The following SF3B3 variants were observed in gnomAD, a reference collection of about 807,000 sequenced individuals.
SF3B3 encodes SAP 130.
SF3B3 carries 33 observed loss-of-function variants against 139.2 expected under a neutral mutation model. That is an observed-to-expected ratio of 0.24 (90% CI 0.18 to 0.32). The LOEUF is 0.32. Among genes scored for constraint, SF3B3 ranks in the 10% least tolerant of loss-of-function variants. SF3B3 has a pLI of 1.00. For missense variants in SF3B3, 818 were observed against 1,509.4 expected (o/e 0.54, Z 7.59); for synonymous variants, 596 against 563.6 (o/e 1.06, Z -0.81).
intron 20 of SF3B3, 71 bp from the exon 21 acceptor site, chr16:70,567,340 C>G (rs1201162583): frequency 2.0e-6 from 3 of 1,507,682 alleles, no homozygotes; most frequent in South Asian, 2.6e-5. Context: ...GTAGGCATTT[C>G]TGGGCAGAGA....
At chr16:70,549,856 C>G (rs964897493) in intron 11 of SF3B3, among the ~76,000 whole-genome samples, 1 of 151,976 alleles carries the variant, frequency 6.6e-6, no homozygotes, top group Non-Finnish European at 1.5e-5. Context: ...ACCTGGGAGG[C>G]GGAGGTTGCA....
chr16:70,555,024 C>A, intron 12 of SF3B3, 27 bp from the exon 13 acceptor site: 1 of 1,606,816 alleles, frequency 6.2e-7, no homozygotes, highest in South Asian at 1.1e-5. Flanking sequence ...TTGTTAAAGT[C>A]AGGTTTCTTT....
intron 1 of SF3B3, among the ~76,000 whole-genome samples, chr16:70,526,025 A>G (rs1159942273): frequency 6.6e-6 from 1 of 150,802 alleles, no homozygotes; most frequent in African/African-American, 2.4e-5. Flanking sequence ...AAAATTTTAT[A>G]TCTCTCAGGA....
At chr16:70,562,678 T>A (rs1227036998) in intron 17 of SF3B3, among the ~76,000 whole-genome samples, 1 of 152,174 alleles carries the variant, frequency 6.6e-6, no homozygotes, top group East Asian at 1.9e-4. Flanking sequence ...ACCTCCTGAA[T>A]TGCTATAGAT....
rs1405625239 is a variant in SF3B3, at chr16:70,559,104, T to C, written c.2011-1365T>C. Among the ~76,000 whole-genome samples, 11 of 151,498 alleles carry C rather than the reference T, an allele frequency of 7.3e-5. No homozygotes were observed. The South Asian group carries it at 2.3e-3, about 31-fold the overall frequency. On this transcript the variant is annotated intron_variant, in intron 15 of 25. Transcript: ENST00000302516. ...TCACAGTGATGTTGGGATGTTTGTC[T>C]GTATCTGTGTTAAAGTTCCCGTCAA...
At chr16:70,557,668 T>C (rs1314282811) in intron 15 of SF3B3, among the ~76,000 whole-genome samples, 1 of 152,024 alleles carries the variant, frequency 6.6e-6, no homozygotes, top group Non-Finnish European at 1.5e-5. Context: ...ATTTTTTTAG[T>C]TTTTTTTCTT....
chr16:70,543,922 C>T (rs774854362), intron 9 of SF3B3, among the ~76,000 whole-genome samples: 5 of 151,766 alleles, frequency 3.3e-5, no homozygotes, highest in South Asian at 4.2e-4. Context: ...GGCACAGTTA[C>T]GACTCACTGT....
intron 6 of SF3B3, 118 bp downstream of exon 6, chr16:70,535,538 C>T: frequency 2.0e-6 from 1 of 506,552 alleles, no homozygotes; most frequent in Non-Finnish European, 3.5e-6. Context: ...ATTCAGTGAC[C>T]CTGGGGCAGG....
rs1395125375 is a variant in SF3B3, at chr16:70,576,386, T to A, written c.*4573T>A. On this transcript the variant is annotated 3_prime_UTR_variant, in exon 26 of 26. Coordinates refer to ENST00000302516, the MANE Select transcript of SF3B3 (RefSeq NM_012426.5). The stretch of plus-strand genomic sequence containing the variant: ...CAGTTTCCCACCTCTCACTCTGCCT[T>A]CCAGAGCCTAGTCAAGTTTTAAATT... 1 of 149,572 alleles carries A rather than the reference T, an allele frequency of 6.7e-6. No individual in the cohort carries two copies. The highest frequency in any genetic ancestry group is 1.5e-5 in the Non-Finnish European group (1 of 67,558). The allele number at this position is 149,572 out of a possible 1,614,324, so 9.3% of individuals were successfully genotyped here. A position where few individuals can be genotyped will look rare whatever the true frequency, so the allele number is the denominator to read the frequency against.
In SF3B3 at chr16:70,571,878, C is replaced by T. The variant is rs2151796589; in HGVS notation, c.*65C>T. The T allele has an allele frequency of 6.5e-7, 1 of 1,542,678 alleles. No individual in the cohort carries two copies. The highest frequency in any genetic ancestry group is 2.3e-5 in the East Asian group (1 of 44,234). ...TTTGTTTCCCCCACCACCATCACTG[C>T]CACCTGGCTTCTGCCATGTGGCAGG... On this transcript the variant is annotated 3_prime_UTR_variant, in exon 26 of 26. Coordinates refer to ENST00000302516, the MANE Select transcript of SF3B3 (RefSeq NM_012426.5).
chr16:70,547,048 T>A (rs1057229866), intron 10 of SF3B3, among the ~76,000 whole-genome samples: 27 of 152,292 alleles, frequency 1.8e-4, no homozygotes, highest in African/African-American at 5.8e-4. Flanking sequence ...AATTTTTTTT[T>A]AAATTGTTGA....
chr16:70,536,824 T>A (rs995014897), intron 6 of SF3B3, among the ~76,000 whole-genome samples: 2 of 150,104 alleles, frequency 1.3e-5, no homozygotes, highest in Non-Finnish European at 3.0e-5. Flanking sequence ...TTTTTTTTTT[T>A]TTTTAAGATG....
chr16:70,554,609 C>T lies in SF3B3; in HGVS notation c.1554+12C>T, dbSNP rs773148647. 1 of 1,613,958 alleles carries T rather than the reference C, an allele frequency of 6.2e-7. No homozygotes were observed. The highest frequency in any genetic ancestry group is 1.1e-5 in the South Asian group (1 of 91,046). On this transcript the variant is annotated intron_variant, in intron 12 of 25. Transcript: ENST00000302516. ...ATGCCTTGGTGCAGGTGAGGGTTCT[C>T]AGAGCTTACCTACTTGGCCTGCTTT...
chr16:70,547,572 G>A (rs1303535003), intron 10 of SF3B3, among the ~76,000 whole-genome samples: 1 of 152,084 alleles, frequency 6.6e-6, no homozygotes, highest in Admixed American at 6.6e-5. Flanking sequence ...AAAACAGTTA[G>A]TACCCTAAGA....
chr16:70,538,034 T>C (rs769453415), intron 6 of SF3B3: 9 of 597,328 alleles, frequency 1.5e-5, no homozygotes, highest in Admixed American at 1.3e-4. Flanking sequence ...TTTAAAAAAT[T>C]TCATGTCTCT....
At position 70,539,170 on chromosome 16, in the gene SF3B3, A is replaced by T; in HGVS notation, c.1030A>T (p.Thr344Ser). 6.2e-7 allele frequency: 1 copy of T among 1,614,046 alleles called. No homozygotes were observed. The highest frequency in any genetic ancestry group is 8.5e-7 in the Non-Finnish European group (1 of 1,179,938). ...TGCTGCTGCCATGTGTGTGCTTAAA[A>T]CAGGGTTCCTTTTTGTAGCATCAGA... is the stretch of plus-strand genomic sequence containing the variant. The part of the protein sequence containing the change: ...PVAAAMCVLK[T>S]GFLFVASEFG... The change falls in exon 8 of 26, where the codon ACA (threonine) becomes TCA (serine). Residue 344 changes from threonine to serine, a missense_variant. Thr to Ser is a moderately conservative substitution (Grantham distance 58). Transcript: ENST00000302516.
At chr16:70,541,942 C>T in intron 9 of SF3B3, 108 bp downstream of exon 9, 2 of 1,009,314 alleles carry the variant, frequency 2.0e-6, no homozygotes, top group Non-Finnish European at 2.9e-6. Flanking sequence ...GTGTGTAAAG[C>T]AGTTAGAGGT....
chr16:70,553,004 G>A (rs961492129), intron 11 of SF3B3, among the ~76,000 whole-genome samples: 4 of 152,096 alleles, frequency 2.6e-5, no homozygotes, highest in South Asian at 2.1e-4. Flanking sequence ...TCCGCCTCCC[G>A]GGTTCAGGCA....
intron 2 of SF3B3, 64 bp from the exon 3 acceptor site, chr16:70,528,809 G>C: frequency 2.5e-6 from 3 of 1,202,020 alleles, no homozygotes; most frequent in East Asian, 4.7e-5. Flanking sequence ...GTAGAGACGG[G>C]GTTTCACCAT....
Sources: allele counts gnomAD v4.1 joint callset (sites outside exome capture counted in the v4.1 genomes callset), GRCh38; gene constraint gnomAD v4.1.1; transcripts MANE v1.5; gene names NCBI Gene and HGNC (gene_info 2026-07-23, HGNC 2026-07-21).